The following TRIQK variants were observed in gnomAD, a reference collection of about 807,000 sequenced individuals.
The protein encoded by TRIQK is triple QxxK/R motif-containing protein.
TRIQK carries 10 observed loss-of-function variants against 10.8 expected under a neutral mutation model. That is an observed-to-expected ratio of 0.92 (90% CI 0.57 to 1.57). TRIQK has a LOEUF of 1.57. Among genes scored for constraint, TRIQK ranks in the 40% most tolerant of loss-of-function variants. TRIQK has a pLI of 0.00. For missense variants in TRIQK, 107 were observed against 97.7 expected, an observed-to-expected ratio of 1.09 and a Z score of -0.40; for synonymous variants, 33 against 33.7, an observed-to-expected ratio of 0.98 and a Z score of 0.07.
At chr8:92,911,919 A>ATATG (rs754187748) in intron 3 of TRIQK, among the ~76,000 whole-genome samples, 9 of 149,546 alleles carry the variant, frequency 6.0e-5, no homozygotes, top group Non-Finnish European at 7.5e-5. Context: ...ATATATATAT[A>ATATG]TATGCACCCA....
chr8:92,997,631 C>A (rs766106231), intron 1 of TRIQK, among the ~76,000 whole-genome samples: 2 of 151,970 alleles, frequency 1.3e-5, no homozygotes, highest in Non-Finnish European at 2.9e-5. Context: ...CTCTAGTGAG[C>A]AAATTTGAGG....
At chr8:92,925,623 A>G (rs574774211) in intron 2 of TRIQK, among the ~76,000 whole-genome samples, 2 of 152,330 alleles carry the variant, frequency 1.3e-5, no homozygotes, top group South Asian at 4.1e-4. Context: ...TGACAAGCAC[A>G]TGAAAAAGTT....
intron 2 of TRIQK, among the ~76,000 whole-genome samples, chr8:92,923,667 A>C (rs1810297824): frequency 6.6e-6 from 1 of 151,948 alleles, no homozygotes; most frequent in Non-Finnish European, 1.5e-5. Flanking sequence ...ATATTAAAAT[A>C]ATTCAGTTAA....
intron 1 of TRIQK, among the ~76,000 whole-genome samples, chr8:92,985,303 G>A (rs559918923): frequency 3.8e-4 from 58 of 152,308 alleles, no homozygotes; most frequent in Middle Eastern, 3.4e-3. Context: ...GAGAGGGAAT[G>A]TCTGTAAAAT....
chr8:92,892,666 T>C (rs895266824), intron 3 of TRIQK, among the ~76,000 whole-genome samples: 15 of 152,024 alleles, frequency 9.9e-5, no homozygotes, highest in African/African-American at 3.4e-4. Context: ...CATGGCTAGA[T>C]AGAAGTTATA....
upstream of TRIQK, among the ~76,000 whole-genome samples, chr8:92,967,166 T>C (rs1812785143): frequency 6.6e-6 from 1 of 152,052 alleles, no homozygotes; most frequent in Non-Finnish European, 1.5e-5. Context: ...AATGAGATTA[T>C]ATTAATACAC....
chr8:92,935,268 A>G (rs1483592199), intron 2 of TRIQK, among the ~76,000 whole-genome samples: 2 of 151,828 alleles, frequency 1.3e-5, no homozygotes, highest in East Asian at 3.8e-4. Context: ...GTTCAAGATA[A>G]TAAAAGATTC....
At chr8:92,905,064 T>C (rs1809178810) in intron 3 of TRIQK, among the ~76,000 whole-genome samples, 1 of 152,186 alleles carries the variant, frequency 6.6e-6, no homozygotes, top group African/African-American at 2.4e-5. Flanking sequence ...TTCTACTAGG[T>C]ATATGTTGCA....
intron 1 of TRIQK, among the ~76,000 whole-genome samples, chr8:92,983,783 G>A (rs1011984277): frequency 3.3e-5 from 5 of 151,894 alleles, no homozygotes; most frequent in East Asian, 1.9e-4. Flanking sequence ...GATAAGGGGC[G>A]AGAGTCCACT....
intron 1 of TRIQK, among the ~76,000 whole-genome samples, chr8:93,013,236 G>A (rs1257041001): frequency 5.3e-5 from 8 of 152,056 alleles, no homozygotes; most frequent in Non-Finnish European, 5.9e-5. Context: ...ATGCTGATTC[G>A]ATAAGCTTTT....
intron 1 of TRIQK, among the ~76,000 whole-genome samples, chr8:93,015,084 C>A (rs1341808808): frequency 6.6e-6 from 1 of 151,792 alleles, no homozygotes; most frequent in Non-Finnish European, 1.5e-5. Context: ...ATATCAGAAT[C>A]TTTTTTAAAA....
chr8:92,994,272 T>C (rs1813128396), intron 1 of TRIQK, among the ~76,000 whole-genome samples: 1 of 152,182 alleles, frequency 6.6e-6, no homozygotes, highest in African/African-American at 2.4e-5. Flanking sequence ...AGCTTAACTT[T>C]AAATTCCACC....
chr8:92,918,479 T>C (rs1394963958), intron 2 of TRIQK, among the ~76,000 whole-genome samples: 4 of 152,100 alleles, frequency 2.6e-5, no homozygotes, highest in African/African-American at 9.7e-5. Context: ...TGATTAGTGA[T>C]GTTGAGAATG....
chr8:92,932,424 T>C (rs1435581414), intron 2 of TRIQK, among the ~76,000 whole-genome samples: 1 of 152,172 alleles, frequency 6.6e-6, no homozygotes, highest in Non-Finnish European at 1.5e-5. Context: ...GTGTTCTCAT[T>C]GCATGCTATC....
At chr8:92,956,737 T>C (rs1240082734) in intron 1 of TRIQK, among the ~76,000 whole-genome samples, 1 of 151,818 alleles carries the variant, frequency 6.6e-6, no homozygotes, top group African/African-American at 2.4e-5. Context: ...AAAAATCTTA[T>C]GCCATTTAAT....
At position 92,885,021 on chromosome 8, in the gene TRIQK, G is replaced by A. The variant is rs113974648; in HGVS notation, c.*1601C>T. 15,774 of 456,014 alleles carry A rather than the reference G, an allele frequency of 0.035. 480 individuals carry two copies. The highest frequency in any genetic ancestry group is 0.076 in the Middle Eastern group (234 of 3,066). 28.2% of individuals were successfully genotyped at this position (456,014 alleles called of 1,614,324 possible). Reference sequence around the variant, plus strand: ...CTAAAAATGCCACTTGGATTGGTCCGCTGTGGTGAGTATATAAGAACTCTT... The same window carrying A: ...CTAAAAATGCCACTTGGATTGGTCCACTGTGGTGAGTATATAAGAACTCTT... On this transcript the variant is annotated 3_prime_UTR_variant, in exon 5 of 5. Coordinates refer to ENST00000521988, the MANE Select transcript of TRIQK (RefSeq NM_001171797.2).
At chr8:92,921,917 C>T (rs191523098) in intron 2 of TRIQK, among the ~76,000 whole-genome samples, 50 of 151,834 alleles carry the variant, frequency 3.3e-4, no homozygotes, top group Middle Eastern at 3.4e-3. Flanking sequence ...TAACAGTGAT[C>T]CCACCCAATA....
intron 1 of TRIQK, among the ~76,000 whole-genome samples, chr8:92,979,131 T>C (rs1187454007): frequency 1.3e-5 from 2 of 152,082 alleles, no homozygotes; most frequent in Non-Finnish European, 2.9e-5. Flanking sequence ...TGGCTGGCAG[T>C]TGGAATCATC....
chr8:92,968,924 A>ATGGTT (rs1180257691), upstream of TRIQK, among the ~76,000 whole-genome samples: 9 of 152,154 alleles, frequency 5.9e-5, no homozygotes. Flanking sequence ...TAGGGATTTT[A>ATGGTT]TGGTTTTAGG....
Sources: allele counts gnomAD v4.1 joint callset (sites outside exome capture counted in the v4.1 genomes callset), GRCh38; gene constraint gnomAD v4.1.1; transcripts MANE v1.5; gene names NCBI Gene and HGNC (gene_info 2026-07-23, HGNC 2026-07-21).